LINGO2: variants seen among roughly 807,000 people sequenced by gnomAD.
LINGO2 encodes the protein leucine-rich repeat and immunoglobulin-like domain-containing nogo receptor-interacting protein 2.
Under a neutral mutation model 30.6 loss-of-function variants are expected in LINGO2, and 14 were observed. The ratio of observed to expected loss-of-function variants is 0.46; its 90% CI spans 0.30 to 0.72. LINGO2 has a LOEUF of 0.72. Among genes scored for constraint, LINGO2 ranks in the 30% least tolerant of loss-of-function variants. The pLI is 0.07. For missense variants in LINGO2, 729 were observed against 751.7 expected, an observed-to-expected ratio of 0.97 and a Z score of 0.35; for synonymous variants, 317 against 288.5, an observed-to-expected ratio of 1.10 and a Z score of -1.00.
At chr9:28,774,185 T>C in the LINGO2 span, among the ~76,000 whole-genome samples, 1 of 152,142 alleles carries the variant, frequency 6.6e-6, no homozygotes, top group Non-Finnish European at 1.5e-5. Flanking sequence ...TAATAGAGCA[T>C]GAGCTGTTCA....
At chr9:28,740,319 G>C in the LINGO2 span, among the ~76,000 whole-genome samples, 1 of 151,370 alleles carries the variant, frequency 6.6e-6, no homozygotes, top group East Asian at 1.9e-4. Flanking sequence ...TCTGTCTAGT[G>C]TTTCTATTCA....
rs1289908419 is a variant in LINGO2, at chr9:28,545,428, T to C, written c.-364-69403A>G. On this transcript the variant is annotated intron_variant, in intron 1 of 5. Coordinates refer to ENST00000379992, the Ensembl canonical transcript of LINGO2. Reference sequence around the variant, plus strand: ...TATATCTGCTGGATGGTTACCCATTTGCAACTTATGAAAGAGAGCAAAGGT... The same window carrying C: ...TATATCTGCTGGATGGTTACCCATTCGCAACTTATGAAAGAGAGCAAAGGT... Among the ~76,000 whole-genome samples, 5 of 152,238 alleles carry C rather than the reference T, an allele frequency of 3.3e-5. No individual in the cohort carries two copies. The East Asian group carries it at 9.6e-4, about 29-fold the overall frequency.
At chr9:28,920,297 A>AATAT in the LINGO2 span, among the ~76,000 whole-genome samples, 1 of 150,992 alleles carries the variant, frequency 6.6e-6, no homozygotes, top group Non-Finnish European at 1.5e-5. Context: ...GGACTAGTAT[A>AATAT]ATATATATAT....
intron 4 of LINGO2, among the ~76,000 whole-genome samples, chr9:28,118,500 GCTAT>G (rs1201276144): frequency 6.6e-6 from 1 of 152,104 alleles, no homozygotes. Flanking sequence ...TATTCAGTAA[GCTAT>G]CTAACTTTGG....
At chr9:28,547,183 G>A (rs1821993815) in intron 1 of LINGO2, among the ~76,000 whole-genome samples, 1 of 152,094 alleles carries the variant, frequency 6.6e-6, no homozygotes, top group East Asian at 1.9e-4. Flanking sequence ...GTTTATTTGT[G>A]AAATCGAGTA....
intron 4 of LINGO2, among the ~76,000 whole-genome samples, chr9:28,170,809 CCT>C (rs1828560082): frequency 6.6e-6 from 1 of 152,172 alleles, no homozygotes; most frequent in Non-Finnish European, 1.5e-5. Context: ...GATTCTTCTG[CCT>C]CTCTCTTCCC....
At chr9:29,203,566 C>G in the LINGO2 span, among the ~76,000 whole-genome samples, 1 of 152,180 alleles carries the variant, frequency 6.6e-6, no homozygotes, top group African/African-American at 2.4e-5. Context: ...CAACCACTAC[C>G]AGGAATCCAA....
rs866517009 is a variant in LINGO2 at position 28,324,180 on chromosome 9, C to T, written c.-245-28814G>A. Among the ~76,000 whole-genome samples, 13 of 152,158 alleles carry T rather than the reference C, an allele frequency of 8.5e-5. No individual in the cohort carries two copies. In the South Asian group the frequency reaches 2.7e-3, roughly 32 times the overall value. ...TGAAAGTCTCTGGCTTGCACGGGCC[C>T]CTGTCAAGGCTTCATTCCTATTTTT... is the stretch of plus-strand genomic sequence containing the variant. On this transcript the variant is annotated intron_variant, in intron 3 of 5. Coordinates refer to ENST00000379992, the Ensembl canonical transcript of LINGO2.
chr9:29,127,057 C>T, the LINGO2 span, among the ~76,000 whole-genome samples: 1 of 152,094 alleles, frequency 6.6e-6, no homozygotes, highest in African/African-American at 2.4e-5. Context: ...TGATTGGTCA[C>T]CTTCCATGAC....
chr9:29,073,900 T>G, the LINGO2 span, among the ~76,000 whole-genome samples: 2 of 152,186 alleles, frequency 1.3e-5, no homozygotes, highest in African/African-American at 4.8e-5. Flanking sequence ...GTTTTAGTAT[T>G]TTAAAATTAA....
chr9:28,374,056 C>A (rs776767109), intron 2 of LINGO2, among the ~76,000 whole-genome samples: 3 of 151,998 alleles, frequency 2.0e-5, no homozygotes, highest in Non-Finnish European at 4.4e-5. Flanking sequence ...TTAACCCGCA[C>A]AACAACCTCA....
At chr9:28,894,269 T>C in the LINGO2 span, among the ~76,000 whole-genome samples, 1 of 152,140 alleles carries the variant, frequency 6.6e-6, no homozygotes, top group Non-Finnish European at 1.5e-5. Flanking sequence ...ATATACCCAG[T>C]TTGACAATTT....
At chr9:28,513,973 C>T (rs1424057544) in intron 1 of LINGO2, among the ~76,000 whole-genome samples, 1 of 152,230 alleles carries the variant, frequency 6.6e-6, no homozygotes, top group Non-Finnish European at 1.5e-5. Context: ...TGCTCACTTC[C>T]TGTCTCTTTG....
the LINGO2 span, among the ~76,000 whole-genome samples, chr9:29,099,799 A>G: frequency 6.6e-6 from 1 of 152,234 alleles, no homozygotes; most frequent in South Asian, 2.1e-4. Context: ...AAATTATTAC[A>G]ACCACTATGG....
intron 3 of LINGO2, among the ~76,000 whole-genome samples, chr9:28,307,340 C>G (rs928011229): frequency 6.6e-6 from 1 of 152,146 alleles, no homozygotes; most frequent in Non-Finnish European, 1.5e-5. Context: ...ACATGATTAT[C>G]TCAATATATG....
chr9:28,552,102 T>C (rs1240609508), intron 1 of LINGO2, among the ~76,000 whole-genome samples: 2 of 152,088 alleles, frequency 1.3e-5, no homozygotes, highest in Non-Finnish European at 1.5e-5. Context: ...TATATCACTT[T>C]TGTTAATACA....
At chr9:28,709,932 A>T in the LINGO2 span, among the ~76,000 whole-genome samples, 2 of 151,868 alleles carry the variant, frequency 1.3e-5, no homozygotes, top group Non-Finnish European at 2.9e-5. Flanking sequence ...CATATATGGA[A>T]ATATTTTTTA....
Position 28,147,665 on chromosome 9 carries a change from C to T in LINGO2, c.-86-135260G>A, listed in dbSNP as rs1005563322. On this transcript the variant is annotated intron_variant, in intron 4 of 5. Transcript: ENST00000379992. This position sits in a 1 kb window ranked among gnomAD's most constrained non-coding sequence, Gnocchi z 4.7. Reference sequence around the variant, plus strand: ...GAGGTGCCAGGTGGAAGGGCTCTGGCGGATCAGCCCCGCACCCCCAACAGC... The same window carrying T: ...GAGGTGCCAGGTGGAAGGGCTCTGGTGGATCAGCCCCGCACCCCCAACAGC... Among the ~76,000 whole-genome samples, 25 of 152,128 alleles carry T rather than the reference C, an allele frequency of 1.6e-4. No individual in the cohort carries two copies. Among genetic ancestry groups the T allele is most frequent in the Non-Finnish European group, 2.8e-4 (19 of 68,018 alleles).
chr9:27,974,321 C>T (rs1333055532), intron 5 of LINGO2, among the ~76,000 whole-genome samples: 3 of 152,080 alleles, frequency 2.0e-5, no homozygotes, highest in East Asian at 1.9e-4. Context: ...TAATTGAACA[C>T]CATCTATTTT....
Sources: gnomAD v4.1 joint callset for allele counts (sites outside exome capture counted in the v4.1 genomes callset) on GRCh38, gnomAD v4.1.1 for gene constraint, Gnocchi (gnomAD v3.1) non-coding constraint, MANE v1.5 for transcripts, NCBI Gene and HGNC (gene_info 2026-07-23, HGNC 2026-07-21) for gene names.